Variants in SLC9A7 observed in about 807,000 individuals in gnomAD.
SLC9A7 encodes the protein solute carrier family 9 member A7.
In SLC9A7, 19 loss-of-function variants were observed where a neutral mutation model predicts 52.6. The ratio of observed to expected loss-of-function variants is 0.36; its 90% confidence interval spans 0.25 to 0.53. The LOEUF (loss-of-function observed/expected upper bound fraction) is 0.53. SLC9A7 is among the 20% of genes least tolerant of loss of function. SLC9A7 has a pLI of 0.91. For missense variants in SLC9A7, 455 were observed against 597.9 expected (o/e 0.76, Z 2.49); for synonymous variants, 226 against 252.1 (o/e 0.90, Z 0.98).
intron 1 of SLC9A7, among the ~76,000 whole-genome samples, chrX:46,723,571 GGA>G (rs377288498): frequency 1.0e-3 from 114 of 111,139 alleles, no homozygotes; most frequent in African/African-American, 3.6e-3. Flanking sequence ...CAAGAATTTT[GGA>G]GAGGGGGCTG....
chrX:46,663,121 G>A (rs1321706552), intron 5 of SLC9A7, among the ~76,000 whole-genome samples: 1 of 111,671 alleles, frequency 9.0e-6, no homozygotes, highest in Admixed American at 9.5e-5. Flanking sequence ...ATCACCTGAG[G>A]TGAGGAGTTT....
intron 1 of SLC9A7, among the ~76,000 whole-genome samples, chrX:46,692,725 T>C (rs936277021): frequency 9.0e-6 from 1 of 111,618 alleles, no homozygotes; most frequent in Non-Finnish European, 1.9e-5. Context: ...TTTCAATGCA[T>C]GCTCAGAAAT....
chrX:46,630,320 G>A (rs1204440309), intron 14 of SLC9A7, among the ~76,000 whole-genome samples: 5 of 111,813 alleles, frequency 4.5e-5, no homozygotes, highest in Non-Finnish European at 9.4e-5. Context: ...GCAGGATTAA[G>A]TGCAATGATG....
intron 14 of SLC9A7, among the ~76,000 whole-genome samples, chrX:46,623,478 C>A (rs1347807795): frequency 2.7e-5 from 3 of 111,190 alleles, no homozygotes; most frequent in Non-Finnish European, 5.7e-5. Flanking sequence ...CCTCTATTCA[C>A]CTTTCAAGCC....
Position 46,600,423 on chromosome X carries a change from G to T in SLC9A7, c.*6529C>A, listed in dbSNP as rs1278156273. 1 of 111,685 alleles carries T rather than the reference G, an allele frequency of 9.0e-6. No individual in the cohort carries two copies. The allele number at this position is 111,685 out of a possible 1,213,427, so 9.2% of individuals were successfully genotyped here. On this transcript the variant is annotated 3_prime_UTR_variant, in exon 17 of 17. Transcript: ENST00000616978. ...TCATCAGAAGGAGAAGGTGACTTCT[G>T]CTGTGTGCGCTCCTGTCTGCTTTGG...
chrX:46,695,471 G>A (rs1187662805), intron 1 of SLC9A7, among the ~76,000 whole-genome samples: 2 of 112,323 alleles, frequency 1.8e-5, no homozygotes, highest in Non-Finnish European at 3.8e-5. Flanking sequence ...ATGACTCTCA[G>A]GAAGTGATAG....
At chrX:46,757,996 A>C (rs1009553476) in intron 1 of SLC9A7, among the ~76,000 whole-genome samples, 10 of 111,815 alleles carry the variant, frequency 8.9e-5, no homozygotes, top group African/African-American at 3.3e-4. Context: ...TTACCGTCTT[A>C]GGAATACAAA....
chrX:46,690,990 G>A (rs1029422093), intron 1 of SLC9A7, among the ~76,000 whole-genome samples: 1 of 111,951 alleles, frequency 8.9e-6, no homozygotes, highest in East Asian at 2.8e-4. Context: ...CCACCTGCCT[G>A]TGATAAATCA....
In SLC9A7 at chrX:46,650,068, C is replaced by T. The variant is rs371263677; in HGVS notation, c.1350+1042G>A. ...CTGGTTTAAGCGTAGGAGGCTCTCA[C>T]GCTAGAAGGATTCCAGCATTGCATT... On this transcript the variant is annotated intron_variant, in intron 10 of 16. Coordinates refer to ENST00000616978, the MANE Select transcript of SLC9A7 (RefSeq NM_001257291.2). 1.6e-4 allele frequency among the ~76,000 whole-genome samples: 18 copies of T among 112,717 alleles called. No individual in the cohort carries two copies. The East Asian group carries it at 5.0e-3, about 31-fold the overall frequency.
chrX:46,700,969 A>T (rs2146914602), intron 1 of SLC9A7, among the ~76,000 whole-genome samples: 1 of 111,344 alleles, frequency 9.0e-6, no homozygotes, highest in African/African-American at 3.3e-5. Flanking sequence ...TCCAAAGGAG[A>T]CTTCTGACAT....
intron 7 of SLC9A7, among the ~76,000 whole-genome samples, chrX:46,656,472 GA>G (rs1407406035): frequency 8.9e-6 from 1 of 112,353 alleles, no homozygotes; most frequent in African/African-American, 3.2e-5. Context: ...TGAAAACTTT[GA>G]AAAAAATTTA....
rs771328263 is a variant in SLC9A7 at position 46,693,964 on chromosome X, A to C, written c.326-11429T>G. Among the ~76,000 whole-genome samples, 6 of 109,863 alleles carry C rather than the reference A, an allele frequency of 5.5e-5. No individual in the cohort carries two copies. In the East Asian group the frequency reaches 1.7e-3, roughly 31 times the overall value. On this transcript the variant is annotated intron_variant, in intron 1 of 16. Transcript: ENST00000616978. The stretch of plus-strand genomic sequence containing the variant: ...AGGCAGGAACAGAAAAACAAATACC[A>C]CATTTTCCCACTTATAAGTGGGAAA...
chrX:46,652,976 T>C (rs763381130), intron 8 of SLC9A7, among the ~76,000 whole-genome samples: 12 of 112,507 alleles, frequency 1.1e-4, no homozygotes, highest in Non-Finnish European at 2.1e-4. Context: ...CAAAATAACA[T>C]AGCAATCAAG....
At chrX:46,687,877 C>A (rs984087478) in intron 1 of SLC9A7, among the ~76,000 whole-genome samples, 1 of 112,006 alleles carries the variant, frequency 8.9e-6, no homozygotes, top group Non-Finnish European at 1.9e-5. Context: ...TACTAATCTA[C>A]CTTCTGTACT....
intron 1 of SLC9A7, among the ~76,000 whole-genome samples, chrX:46,751,826 G>T (rs1556288405): frequency 9.0e-6 from 1 of 111,043 alleles, no homozygotes; most frequent in Non-Finnish European, 1.9e-5. Context: ...AAAGAAGAAA[G>T]AAGTTACTGA....
chrX:46,648,888 G>A lies in SLC9A7; in HGVS notation c.1351-91C>T, dbSNP rs1199926862. 6.4e-6 allele frequency: 4 copies of A among 621,187 alleles called. No individual in the cohort carries two copies. In the African/African-American group the frequency reaches 6.6e-5, roughly 10 times the overall value. The allele number at this position is 621,187 out of a possible 1,213,427, so 51.2% of individuals were successfully genotyped here. On this transcript the variant is annotated intron_variant, in intron 10 of 16. Coordinates refer to ENST00000616978, the MANE Select transcript of SLC9A7 (RefSeq NM_001257291.2). ...CTGAGCAGAGAATTTTAGGAATGCT[G>A]TGACACCTCGTTATAGTCCAGAGAG...
intron 14 of SLC9A7, among the ~76,000 whole-genome samples, chrX:46,625,735 G>T (rs2146711713): frequency 9.8e-6 from 1 of 101,973 alleles, no homozygotes; most frequent in African/African-American, 3.7e-5. Flanking sequence ...AAAAAAAAAA[G>T]GACATGGAGG....
At chrX:46,671,418 T>C (rs1271891710) in intron 4 of SLC9A7, among the ~76,000 whole-genome samples, 1 of 106,067 alleles carries the variant, frequency 9.4e-6, no homozygotes, top group African/African-American at 3.5e-5. Flanking sequence ...CCGCCACCAC[T>C]CCCGGCTAAT....
intron 1 of SLC9A7, among the ~76,000 whole-genome samples, chrX:46,738,777 A>C (rs184325805): frequency 4.0e-4 from 44 of 109,936 alleles, no homozygotes; most frequent in Admixed American, 6.8e-4. Flanking sequence ...CTCAAAAAAA[A>C]AAAACAAAAC....
Sources: allele counts gnomAD v4.1 joint callset (sites outside exome capture counted in the v4.1 genomes callset), GRCh38; gene constraint gnomAD v4.1.1; transcripts MANE v1.5; gene names NCBI Gene and HGNC (gene_info 2026-07-23, HGNC 2026-07-21).